The following AGMO variants were observed in gnomAD, a reference collection of about 807,000 sequenced individuals.
The protein encoded by AGMO is glyceryl-ether monooxygenase.
Under a neutral mutation model 60.2 loss-of-function variants are expected in AGMO, and 75 were observed. The ratio of observed to expected loss-of-function variants is 1.25; its 90% CI spans 1.03 to 1.51. The LOEUF (loss-of-function observed/expected upper bound fraction) is 1.51, where lower values mean the gene tolerates loss of function less well. Ranked by LOEUF, AGMO falls within the 40% of genes most tolerant of loss-of-function variation. The pLI, the probability that AGMO is intolerant of heterozygous loss-of-function variation, is 0.00. For synonymous variants in AGMO, 261 were observed against 177.1 expected (o/e 1.47, Z -3.76); for missense variants, 763 against 525.5 (o/e 1.45, Z -4.42).
chr7:15,299,214 T>G (rs1784486929), intron 12 of AGMO, among the ~76,000 whole-genome samples: 1 of 152,012 alleles, frequency 6.6e-6, no homozygotes, highest in South Asian at 2.1e-4. Flanking sequence ...AGTTATCTCA[T>G]CTGTATAATA....
At chr7:15,385,076 C>A (rs1409546034) in intron 10 of AGMO, among the ~76,000 whole-genome samples, 2 of 152,116 alleles carry the variant, frequency 1.3e-5, no homozygotes, top group African/African-American at 4.8e-5. Context: ...AGGGAATTCT[C>A]TAAGTGAAGG....
intron 12 of AGMO, among the ~76,000 whole-genome samples, chr7:15,202,712 T>C: frequency 6.6e-6 from 1 of 152,140 alleles, no homozygotes; most frequent in South Asian, 2.1e-4. Flanking sequence ...ATTAACGTCT[T>C]GGAGTTGCCT....
chr7:15,151,098 G>A, the AGMO span, among the ~76,000 whole-genome samples: 5 of 152,028 alleles, frequency 3.3e-5, no homozygotes, highest in Non-Finnish European at 7.4e-5. Context: ...TCTCTAGTTC[G>A]TGTGCACAGA....
At chr7:15,544,737 C>T (rs373755144) in intron 3 of AGMO, 35 bp downstream of exon 3, 18 of 1,517,760 alleles carry the variant, frequency 1.2e-5, no homozygotes, top group Middle Eastern at 1.8e-4. Flanking sequence ...CACAGTTCAA[C>T]ATAAGTTAAC....
Position 15,561,930 on chromosome 7 carries a change from C to T in AGMO, c.-85G>A. On this transcript the variant is annotated 5_prime_UTR_variant, in exon 1 of 13. Transcript: ENST00000342526. ...GGCTGAACAAAGAGGACGAGATGTG[C>T]AGCTCAGAACAAGCTCTTTGTCAGA... is the stretch of plus-strand genomic sequence containing the variant. 2 of 1,391,310 alleles carry T rather than the reference C, an allele frequency of 1.4e-6. No homozygotes were observed. Among genetic ancestry groups the T allele is most frequent in the Non-Finnish European group, 1.9e-6 (2 of 1,033,476 alleles). 86.2% of individuals were successfully genotyped at this position (1,391,310 alleles called of 1,614,324 possible).
chr7:15,380,287 T>C (rs1341732091), intron 10 of AGMO, among the ~76,000 whole-genome samples: 7 of 152,248 alleles, frequency 4.6e-5, no homozygotes, highest in African/African-American at 1.4e-4. Context: ...AAAAGCTTCT[T>C]AAGTTGATAA....
chr7:15,125,597 TACCAGG>T, the AGMO span, among the ~76,000 whole-genome samples: 1 of 152,110 alleles, frequency 6.6e-6, no homozygotes, highest in African/African-American at 2.4e-5. Context: ...TGTTTATGCT[TACCAGG>T]TGTCTTCTGT....
chr7:15,389,825 T>G (rs2128484781), intron 8 of AGMO, among the ~76,000 whole-genome samples: 1 of 152,310 alleles, frequency 6.6e-6, no homozygotes. Flanking sequence ...ATTAAATATT[T>G]TTCTGCTGCG....
chr7:15,349,193 C>T (rs1000121967), intron 12 of AGMO, among the ~76,000 whole-genome samples: 11 of 152,182 alleles, frequency 7.2e-5, no homozygotes, highest in Admixed American at 7.2e-4. Context: ...TCTCAGAAAA[C>T]CTTCTTTAAC....
intron 10 of AGMO, among the ~76,000 whole-genome samples, chr7:15,380,088 G>A (rs1014916997): frequency 1.3e-5 from 2 of 152,072 alleles, no homozygotes; most frequent in Non-Finnish European, 2.9e-5. Flanking sequence ...CATTCCCCTT[G>A]AAACCAGCAC....
chr7:15,176,516 A>C, the AGMO span, among the ~76,000 whole-genome samples: 1 of 151,954 alleles, frequency 6.6e-6, no homozygotes, highest in Admixed American at 6.6e-5. Flanking sequence ...CAACATGAGA[A>C]TAGTTTTTCC....
At chr7:15,426,509 G>A (rs971067695) in intron 4 of AGMO, among the ~76,000 whole-genome samples, 12 of 152,074 alleles carry the variant, frequency 7.9e-5, no homozygotes, top group African/African-American at 2.7e-4. Context: ...ACCACTTTGG[G>A]GGGCTGAGGC....
chr7:15,468,683 A>T (rs144578460), intron 3 of AGMO, among the ~76,000 whole-genome samples: 1 of 152,262 alleles, frequency 6.6e-6, no homozygotes, highest in African/African-American at 2.4e-5. Context: ...TAAAATACAC[A>T]TAAATGTTAT....
At chr7:15,552,697 A>G (rs1166634183) in intron 2 of AGMO, among the ~76,000 whole-genome samples, 1 of 148,064 alleles carries the variant, frequency 6.8e-6, no homozygotes, top group Non-Finnish European at 1.5e-5. Context: ...ATGTGGAGAA[A>G]TAGGAACACT....
chr7:15,126,977 C>T, the AGMO span, among the ~76,000 whole-genome samples: 1 of 152,130 alleles, frequency 6.6e-6, no homozygotes, highest in South Asian at 2.1e-4. Context: ...CATTTCCTTT[C>T]TATTGATCCC....
chr7:15,261,349 G>C (rs1370398507), intron 12 of AGMO, among the ~76,000 whole-genome samples: 1 of 151,958 alleles, frequency 6.6e-6, no homozygotes, highest in Non-Finnish European at 1.5e-5. Flanking sequence ...AAATACAAAA[G>C]ATTATTCAAT....
At chr7:15,365,395 A>AAAAAAAAAAAAAAAT in intron 12 of AGMO, 119 bp downstream of exon 12, 3 of 477,676 alleles carry the variant, frequency 6.3e-6, no homozygotes, top group South Asian at 4.1e-5. Flanking sequence ...AAAAAAAAAA[A>AAAAAAAAAAAAAAAT]GATCAAGATT....
At chr7:15,255,524 T>C (rs1291401987) in intron 12 of AGMO, among the ~76,000 whole-genome samples, 3 of 117,714 alleles carry the variant, frequency 2.5e-5, no homozygotes, top group African/African-American at 3.7e-5. Flanking sequence ...TCCAAAGCCA[T>C]GTAAGAATAC....
intron 12 of AGMO, among the ~76,000 whole-genome samples, chr7:15,362,633 C>T (rs1782809780): frequency 6.6e-6 from 1 of 152,122 alleles, no homozygotes; most frequent in African/African-American, 2.4e-5. Context: ...ACTGGCCGTG[C>T]ATGTGCCCAG....
Sources: gnomAD v4.1 joint callset for allele counts (sites outside exome capture counted in the v4.1 genomes callset) on GRCh38, gnomAD v4.1.1 for gene constraint, MANE v1.5 for transcripts, NCBI Gene and HGNC (gene_info 2026-07-23, HGNC 2026-07-21) for gene names.